EXOC3L4: variants seen among roughly 807,000 people sequenced by gnomAD.
EXOC3L4 encodes the protein exocyst complex component 3 like 4, also known as exocyst complex component 3-like protein 4.
In EXOC3L4, 62 loss-of-function variants were observed where a neutral mutation model predicts 69.7. That is an observed-to-expected ratio of 0.89 (90% confidence interval 0.72 to 1.10). EXOC3L4 has a LOEUF of 1.10. EXOC3L4 is among the 50% of genes least tolerant of loss of function. EXOC3L4 has a pLI of 0.00. For missense variants in EXOC3L4, 1,087 were observed against 1,034.8 expected (o/e 1.05, Z -0.69); for synonymous variants, 502 against 464.2 (o/e 1.08, Z -1.05).
chr14:103,099,442 G>A (rs1416801891), intron 1 of EXOC3L4, among the ~76,000 whole-genome samples: 1 of 152,216 alleles, frequency 6.6e-6, no homozygotes, highest in African/African-American at 2.4e-5. Context: ...ATGCTATGGT[G>A]GAGAGGGAGA....
chr14:103,099,082 C>CG (rs1281736748), intron 1 of EXOC3L4, among the ~76,000 whole-genome samples: 2 of 152,246 alleles, frequency 1.3e-5, no homozygotes, highest in Admixed American at 1.3e-4. Context: ...GTGGGTCAGG[C>CG]GGGTGCTTTG....
intron 1 of EXOC3L4, among the ~76,000 whole-genome samples, chr14:103,099,835 C>A (rs952310970): frequency 1.3e-5 from 2 of 152,300 alleles, no homozygotes; most frequent in East Asian, 3.9e-4. Context: ...GTCCTGCCCT[C>A]GGGTGTTGTG....
intron 8 of EXOC3L4, 102 bp downstream of exon 8, chr14:103,107,001 G>A (rs1890591141): frequency 1.0e-6 from 1 of 995,988 alleles, no homozygotes; most frequent in African/African-American, 1.6e-5. Context: ...TTATTCCAGG[G>A]TGAGCTCATG....
intron 3 of EXOC3L4, 26 bp from the exon 4 acceptor site, chr14:103,103,915 C>CCCCA (rs1890370821): frequency 1.3e-6 from 2 of 1,508,636 alleles, no homozygotes; most frequent in Non-Finnish European, 1.8e-6. Context: ...CCGCTCCCGC[C>CCCCA]CCCAGCCCCC....
intron 1 of EXOC3L4, among the ~76,000 whole-genome samples, chr14:103,095,355 C>T (rs1230556351): frequency 6.6e-6 from 1 of 152,232 alleles, no homozygotes; most frequent in Non-Finnish European, 1.5e-5. Flanking sequence ...GTCCCTCCGT[C>T]ATGGCAGGTG....
chr14:103,106,061 G>A (rs1890531828), intron 7 of EXOC3L4, among the ~76,000 whole-genome samples: 1 of 152,204 alleles, frequency 6.6e-6, no homozygotes, highest in Admixed American at 6.5e-5. Flanking sequence ...CTCAGTGCCA[G>A]GCACTTTGTG....
Position 103,110,261 on chromosome 14 carries a change from G to T in EXOC3L4, c.*38G>T. On this transcript the variant is annotated 3_prime_UTR_variant, in exon 12 of 12. Coordinates refer to ENST00000688303, the MANE Select transcript of EXOC3L4 (RefSeq NM_001077594.2). ...CGAGGGGGGGCCGGCCGCTGGCAGG[G>T]AGCTGTGGTCAGTGGGGGTCAGCCA... 1.3e-6 allele frequency: 2 copies of T among 1,499,270 alleles called. No individual in the cohort carries two copies. Among genetic ancestry groups the T allele is most frequent in the Non-Finnish European group, 8.9e-7 (1 of 1,125,642 alleles). 92.9% of individuals were successfully genotyped at this position (1,499,270 alleles called of 1,614,324 possible). A position where few individuals can be genotyped will look rare whatever the true frequency, so the allele number is the denominator to read the frequency against.
In EXOC3L4 at chr14:103,110,439, G is replaced by A. The variant is rs769852646; in HGVS notation, c.*216G>A. 14 of 680,460 alleles carry A rather than the reference G, an allele frequency of 2.1e-5. No homozygotes were observed. Among genetic ancestry groups the A allele is most frequent in the South Asian group, 3.0e-5 (2 of 66,460 alleles). The allele number at this position is 680,460 out of a possible 1,614,324, so 42.2% of individuals were successfully genotyped here. The stretch of plus-strand genomic sequence containing the variant: ...TCGTTGAGGGGAGTGTTTTGGGGCC[G>A]CAGAGCTCTCAATGCTGCCTATCGG... On this transcript the variant is annotated 3_prime_UTR_variant, in exon 12 of 12. Transcript: ENST00000688303.
Position 103,102,474 on chromosome 14 carries a change from C to A in EXOC3L4, c.751C>A (p.Arg251=). 1 of 1,442,842 alleles carries A rather than the reference C, an allele frequency of 6.9e-7. No homozygotes were observed. The highest frequency in any genetic ancestry group is 1.5e-5 in the African/African-American group (1 of 66,720). The allele number at this position is 1,442,842 out of a possible 1,614,324, so 89.4% of individuals were successfully genotyped here. A position where few individuals can be genotyped will look rare whatever the true frequency, so the allele number is the denominator to read the frequency against. Residue 251 remains arginine (R), a synonymous_variant, in exon 3 of 12, where the codon CGA becomes AGA. Transcript: ENST00000688303. The part of the protein sequence containing the change: ...WRQHWEEAVR[R]SAQERVRRPG... ...CCAGCACTGGGAGGAGGCGGTGCGGCGAAGCGCTCAGGAGCGCGTGCGGCG... is the reference window on the plus strand; with the variant it reads ...CCAGCACTGGGAGGAGGCGGTGCGGAGAAGCGCTCAGGAGCGCGTGCGGCG...
intron 2 of EXOC3L4, among the ~76,000 whole-genome samples, chr14:103,101,063 T>C (rs1890162194): frequency 6.9e-6 from 1 of 144,138 alleles, no homozygotes; most frequent in Non-Finnish European, 1.6e-5. Flanking sequence ...CCAACACACC[T>C]GGTTAATTTT....
Position 103,110,278 on chromosome 14 carries a change from G to T in EXOC3L4, c.*55G>T. ...CTGGCAGGGAGCTGTGGTCAGTGGG[G>T]GTCAGCCAGGAGCCCAGGGAGTCAC... On this transcript the variant is annotated 3_prime_UTR_variant, in exon 12 of 12. Coordinates refer to ENST00000688303, the MANE Select transcript of EXOC3L4 (RefSeq NM_001077594.2). The T allele has an allele frequency of 6.7e-7, 1 of 1,496,528 alleles. No homozygotes were observed. The allele number at this position is 1,496,528 out of a possible 1,614,324, so 92.7% of individuals were successfully genotyped here. A position where few individuals can be genotyped will look rare whatever the true frequency, so the allele number is the denominator to read the frequency against.
intron 2 of EXOC3L4, among the ~76,000 whole-genome samples, chr14:103,101,064 G>A (rs1010512765): frequency 1.4e-5 from 2 of 143,888 alleles, no homozygotes; most frequent in East Asian, 4.1e-4. Context: ...CAACACACCT[G>A]GTTAATTTTT....
At chr14:103,100,001 G>A (rs1045881146) in intron 1 of EXOC3L4, 4 of 559,306 alleles carry the variant, frequency 7.2e-6, no homozygotes, top group African/African-American at 5.6e-5. Flanking sequence ...GGAAGCAGCT[G>A]TCTATATCTC....
intron 1 of EXOC3L4, among the ~76,000 whole-genome samples, chr14:103,098,397 A>G (rs894441210): frequency 6.6e-6 from 1 of 151,824 alleles, no homozygotes; most frequent in Non-Finnish European, 1.5e-5. Context: ...CCCCAGCCTG[A>G]GTGCGCGGCC....
At chr14:103,106,215 C>G (rs1890539733) in intron 7 of EXOC3L4, among the ~76,000 whole-genome samples, 1 of 152,252 alleles carries the variant, frequency 6.6e-6, no homozygotes, top group Non-Finnish European at 1.5e-5. Context: ...CTAGGCCTGC[C>G]TAAATCCAAA....
chr14:103,106,775 C>T lies in EXOC3L4; in HGVS notation c.1467-10C>T. The T allele has an allele frequency of 1.3e-6, 2 of 1,543,014 alleles. No individual in the cohort carries two copies. The highest frequency in any genetic ancestry group is 1.2e-5 in the South Asian group (1 of 84,278). On this transcript the variant is annotated splice_polypyrimidine_tract_variant and intron_variant, in intron 7 of 11. Coordinates refer to ENST00000688303, the MANE Select transcript of EXOC3L4 (RefSeq NM_001077594.2). ...TGCCCACCTCATCGCTGGTCCTGGCCCCTCCCCAGGACCAGTCTTCTCTCC... is the reference window on the plus strand; with the variant it reads ...TGCCCACCTCATCGCTGGTCCTGGCTCCTCCCCAGGACCAGTCTTCTCTCC...
rs775120339 is a variant in EXOC3L4, at chr14:103,103,793, C to CGTGTGTGTGT, written c.1050-147_1050-146insTGTGTGTGTG. 750 of 453,930 alleles carry CGTGTGTGTGT rather than the reference C, an allele frequency of 1.7e-3. 2 individuals carry two copies. Among genetic ancestry groups the CGTGTGTGTGT allele is most frequent in the African/African-American group, 0.013 (531 of 39,932 alleles). The allele number at this position is 453,930 out of a possible 1,614,324, so 28.1% of individuals were successfully genotyped here. On this transcript the variant is annotated intron_variant, in intron 3 of 11. Transcript: ENST00000688303. ...TGTGGCATGGCAGCCTAGAGGCGCG[C>CGTGTGTGTGT]GCGCGTGTGTGTGTGTGTGTGTGTG...
chr14:103,098,073 T>C (rs1329361670), intron 1 of EXOC3L4, among the ~76,000 whole-genome samples: 5 of 151,936 alleles, frequency 3.3e-5, no homozygotes, highest in Admixed American at 2.6e-4. Context: ...GAAGGTGGCA[T>C]GGCTGGAGGC....
At chr14:103,100,760 G>GTGGAGACCCT in intron 2 of EXOC3L4, 147 bp downstream of exon 2, 6 of 1,124,750 alleles carry the variant, frequency 5.3e-6, no homozygotes, top group Non-Finnish European at 6.2e-6. Context: ...TTTGAGACAG[G>GTGGAGACCCT]GTCTCCACTC....
Sources: allele counts gnomAD v4.1 joint callset (sites outside exome capture counted in the v4.1 genomes callset), GRCh38; gene constraint gnomAD v4.1.1; transcripts MANE v1.5; gene names NCBI Gene and HGNC (gene_info 2026-07-23, HGNC 2026-07-21).